Variants in ATXN1 observed in about 807,000 individuals in gnomAD.
The protein encoded by ATXN1 is ataxin 1, also known as ataxin-1.
A neutral mutation model predicts 56.4 loss-of-function variants in ATXN1; 8 were observed. The observed-to-expected ratio is 0.14, with a 90% CI of 0.08 to 0.26. ATXN1 has a LOEUF of 0.26. ATXN1 is among the 10% of genes least tolerant of loss of function. The pLI is 1.00. For synonymous variants in ATXN1, 514 were observed against 494.6 expected (o/e 1.04, Z -0.52); for missense variants, 987 against 1,106.5 (o/e 0.89, Z 1.53).
In ATXN1 at chr6:16,442,098, G is replaced by A. The variant is rs116198025; in HGVS notation, c.-161+43874C>T. ...TTGGACACTCAGGTAAAATGACTGAGTTACCTATAAGGGACAGAAAATTAG... is the reference window on the plus strand; with the variant it reads ...TTGGACACTCAGGTAAAATGACTGAATTACCTATAAGGGACAGAAAATTAG... On this transcript the variant is annotated intron_variant, in intron 6 of 7. Transcript: ENST00000436367. 9.8e-3 allele frequency among the ~76,000 whole-genome samples: 1,498 copies of A among 152,296 alleles called. 21 individuals carry two copies. The highest frequency in any genetic ancestry group is 0.029 in the African/African-American group (1,211 of 41,552).
At chr6:16,422,766 A>G (rs1361896849) in intron 6 of ATXN1, among the ~76,000 whole-genome samples, 1 of 152,194 alleles carries the variant, frequency 6.6e-6, no homozygotes, top group Non-Finnish European at 1.5e-5. Context: ...AAAAATGGAT[A>G]CATGACAACC....
chr6:16,497,418 A>C (rs1760801157), intron 5 of ATXN1, among the ~76,000 whole-genome samples: 1 of 152,222 alleles, frequency 6.6e-6, no homozygotes. Context: ...CCACTTTTAG[A>C]CCGTTCTGTG....
intron 4 of ATXN1, among the ~76,000 whole-genome samples, chr6:16,545,777 C>T (rs1761804190): frequency 6.6e-6 from 1 of 152,184 alleles, no homozygotes; most frequent in Non-Finnish European, 1.5e-5. Context: ...GCAGGTGGCA[C>T]TTGGTAGCAA....
chr6:16,665,359 G>A (rs1199648289), intron 2 of ATXN1, among the ~76,000 whole-genome samples: 2 of 152,146 alleles, frequency 1.3e-5, no homozygotes, highest in Non-Finnish European at 2.9e-5. Context: ...TATTAGTTCA[G>A]TGAATTATGC....
chr6:16,424,885 G>A (rs1024290248), intron 6 of ATXN1, among the ~76,000 whole-genome samples: 4 of 152,220 alleles, frequency 2.6e-5, no homozygotes, highest in Admixed American at 1.3e-4. Flanking sequence ...CAGTGTCACT[G>A]TTGGTGTTGC....
chr6:16,361,186 A>C (rs1761801634), intron 6 of ATXN1, among the ~76,000 whole-genome samples: 1 of 152,182 alleles, frequency 6.6e-6, no homozygotes, highest in African/African-American at 2.4e-5. Context: ...GTGTGGCTCT[A>C]TATATAGAGA....
Position 16,462,060 on chromosome 6 carries a change from A to G in ATXN1, c.-161+23912T>C, listed in dbSNP as rs1245532927. ...ACTTCTTTGGCAAAATACCAACAAAACGTTAAAAACCTACCCAAAGGATGT... is the reference window on the plus strand; with the variant it reads ...ACTTCTTTGGCAAAATACCAACAAAGCGTTAAAAACCTACCCAAAGGATGT... On this transcript the variant is annotated intron_variant, in intron 6 of 7. Coordinates refer to ENST00000436367, the MANE Select transcript of ATXN1 (RefSeq NM_001128164.2). 2.0e-5 allele frequency among the ~76,000 whole-genome samples: 3 copies of G among 152,326 alleles called. No individual in the cohort carries two copies. The South Asian group carries it at 6.2e-4, about 32-fold the overall frequency.
At chr6:16,390,191 T>G (rs1236266572) in intron 6 of ATXN1, among the ~76,000 whole-genome samples, 2 of 152,222 alleles carry the variant, frequency 1.3e-5, no homozygotes, top group Non-Finnish European at 2.9e-5. Context: ...AACTGTGAGA[T>G]CCTTGACCCA....
chr6:16,723,114 A>T (rs1048730498), intron 2 of ATXN1, among the ~76,000 whole-genome samples: 16 of 152,344 alleles, frequency 1.1e-4, no homozygotes, highest in African/African-American at 3.4e-4. Flanking sequence ...GAAATAAAGG[A>T]GAATTCTACT....
intron 6 of ATXN1, among the ~76,000 whole-genome samples, chr6:16,423,409 G>T (rs1759076144): frequency 6.6e-6 from 1 of 152,094 alleles, no homozygotes; most frequent in African/African-American, 2.4e-5. Flanking sequence ...GATGTTCCAG[G>T]GGTTTAATTA....
rs749872352 is a variant in ATXN1, at chr6:16,327,672, CTGCTGA to C, written c.633_638del (p.His211_Gln212del). The C allele has an allele frequency of 2.9e-3, 4,086 of 1,403,742 alleles. 93 individuals carry two copies. The African/African-American group carries it at 0.063, about 21-fold the overall frequency. 87.0% of individuals were successfully genotyped at this position (1,403,742 alleles called of 1,614,324 possible). On this transcript the variant is annotated inframe_deletion, in exon 7 of 8. Transcript: ENST00000436367. Reference sequence around the variant, plus strand: ...GCTGCTGCTGCTGCTGCTGCTGCTGCTGCTGATGCTGATGCTGCTGCTGCTGCTGCT... The same window carrying C: ...GCTGCTGCTGCTGCTGCTGCTGCTGCTGCTGATGCTGCTGCTGCTGCTGCT...
At chr6:16,646,407 T>C (rs1250139857) in intron 3 of ATXN1, among the ~76,000 whole-genome samples, 1 of 152,038 alleles carries the variant, frequency 6.6e-6, no homozygotes, top group Admixed American at 6.6e-5. Context: ...TTGAAGGGAG[T>C]TGTAATCAGA....
intron 7 of ATXN1, among the ~76,000 whole-genome samples, chr6:16,311,958 T>C (rs1760401964): frequency 6.6e-6 from 1 of 152,202 alleles, no homozygotes; most frequent in South Asian, 2.1e-4. Context: ...TGTCAGCCTC[T>C]TTTCTGGTTC....
chr6:16,674,945 C>A (rs1020802985), intron 2 of ATXN1, among the ~76,000 whole-genome samples: 9 of 152,156 alleles, frequency 5.9e-5, no homozygotes, highest in African/African-American at 2.2e-4. Flanking sequence ...GTTCTGAATT[C>A]TGCTCAGACT....
chr6:16,666,995 A>G (rs1354238092), intron 2 of ATXN1: 1 of 152,222 alleles, frequency 6.6e-6, no homozygotes, highest in Non-Finnish European at 1.5e-5. Context: ...AAATACGCAA[A>G]GAACTACTAA....
At chr6:16,599,068 C>A (rs1762867554) in intron 3 of ATXN1, among the ~76,000 whole-genome samples, 1 of 152,206 alleles carries the variant, frequency 6.6e-6, no homozygotes, top group African/African-American at 2.4e-5. Context: ...CCCAGCCAGA[C>A]CCCACTGATT....
chr6:16,307,478 G>A (rs1760277045), intron 7 of ATXN1, among the ~76,000 whole-genome samples: 1 of 151,974 alleles, frequency 6.6e-6, no homozygotes, highest in Admixed American at 6.6e-5. Flanking sequence ...AGACCAGCCT[G>A]GCCAACATGG....
At chr6:16,625,622 T>C (rs770337103) in intron 3 of ATXN1, among the ~76,000 whole-genome samples, 1 of 152,090 alleles carries the variant, frequency 6.6e-6, no homozygotes, top group African/African-American at 2.4e-5. Context: ...CCAGGCACGA[T>C]GCCAGACATT....
chr6:16,633,701 C>CA (rs1763544986), intron 3 of ATXN1, among the ~76,000 whole-genome samples: 1 of 152,130 alleles, frequency 6.6e-6, no homozygotes, highest in Non-Finnish European at 1.5e-5. Flanking sequence ...AGGATTAGAG[C>CA]AAATATGTCC....
Sources: gnomAD v4.1 joint callset for allele counts (sites outside exome capture counted in the v4.1 genomes callset) on GRCh38, gnomAD v4.1.1 for gene constraint, MANE v1.5 for transcripts, NCBI Gene and HGNC (gene_info 2026-07-23, HGNC 2026-07-21) for gene names.